The following KCNK1 variants were observed in gnomAD, a reference collection of about 807,000 sequenced individuals.
KCNK1 encodes potassium channel subfamily K member 1.
A neutral mutation model predicts 22.2 loss-of-function variants in KCNK1; 10 were observed. The observed-to-expected ratio is 0.45, with a 90% CI of 0.28 to 0.76. KCNK1 has a LOEUF of 0.76. KCNK1 is among the 30% of genes least tolerant of loss of function. The probability of loss-of-function intolerance (pLI) is 0.14; values close to 1 mark genes in which losing one functional copy is unlikely to be tolerated. For synonymous variants in KCNK1, 200 were observed against 186.4 expected (o/e 1.07, Z -0.60); for missense variants, 378 against 421.0 (o/e 0.90, Z 0.89).
chr1:233,626,607 G>A (rs1356364081), intron 1 of KCNK1, among the ~76,000 whole-genome samples: 1 of 152,132 alleles, frequency 6.6e-6, no homozygotes, highest in Non-Finnish European at 1.5e-5. Context: ...AAACTAGAAT[G>A]TCAGTAAGTA....
chr1:233,664,746 T>C (rs1658460843), intron 1 of KCNK1, among the ~76,000 whole-genome samples: 1 of 152,222 alleles, frequency 6.6e-6, no homozygotes, highest in East Asian at 1.9e-4. Flanking sequence ...CACACACTTG[T>C]ATAAGCCTTA....
intron 1 of KCNK1, among the ~76,000 whole-genome samples, chr1:233,635,060 A>AT (rs1657874935): frequency 6.6e-6 from 1 of 152,244 alleles, no homozygotes; most frequent in Admixed American, 6.5e-5. Flanking sequence ...GCTTAGGCCA[A>AT]TTCTTTAAAA....
At chr1:233,663,218 A>G (rs974678811) in intron 1 of KCNK1, among the ~76,000 whole-genome samples, 3 of 152,208 alleles carry the variant, frequency 2.0e-5, no homozygotes, top group Non-Finnish European at 4.4e-5. Context: ...CCAAAAAATT[A>G]TTTATGTACA....
chr1:233,630,226 G>A (rs1017612677), intron 1 of KCNK1, among the ~76,000 whole-genome samples: 1 of 152,166 alleles, frequency 6.6e-6, no homozygotes, highest in Non-Finnish European at 1.5e-5. Flanking sequence ...TTTTGGAAGC[G>A]TTTGAGTAGT....
At position 233,671,416 on chromosome 1, in the gene KCNK1, G is replaced by C; in HGVS notation, c.897G>C (p.Leu299=). 6.2e-7 allele frequency: 1 copy of C among 1,614,190 alleles called. No individual in the cohort carries two copies. Among genetic ancestry groups the C allele is most frequent in the Non-Finnish European group, 8.5e-7 (1 of 1,180,032 alleles). ...DQVHIIEHDQ[L]SFSSITDQAA... is the part of the protein sequence containing the mutation. ...TGCACATCATAGAGCATGACCAACT[G>C]TCCTTCTCCTCGATCACAGACCAGG... The change falls in exon 3 of 3, where the codon CTG becomes CTC. Residue 299 remains leucine, a synonymous_variant. Transcript: ENST00000366621.
intron 1 of KCNK1, among the ~76,000 whole-genome samples, chr1:233,640,513 TC>T (rs1657982210): frequency 6.6e-6 from 1 of 152,238 alleles, no homozygotes; most frequent in African/African-American, 2.4e-5. Flanking sequence ...ATATTAATGA[TC>T]AAGTGAATTG....
In KCNK1 at chr1:233,623,295, G is replaced by C. The variant is rs187365337; in HGVS notation, c.355+8769G>C. ...TAGCATCTGGGAAGGGTACGGGGAG[G>C]GGGGATGGGGAGAGATTTGTTACAG... On this transcript the variant is annotated intron_variant, in intron 1 of 2. Coordinates refer to ENST00000366621, the MANE Select transcript of KCNK1 (RefSeq NM_002245.4). Among the ~76,000 whole-genome samples the C allele has an allele frequency of 1.8e-4, 28 of 152,280 alleles. 1 individual carries two copies. In the South Asian group the frequency reaches 2.7e-3, roughly 15 times the overall value.
chr1:233,646,854 A>G (rs766583704), intron 1 of KCNK1, among the ~76,000 whole-genome samples: 1 of 152,192 alleles, frequency 6.6e-6, no homozygotes, highest in Non-Finnish European at 1.5e-5. Context: ...TTGTGAAGAT[A>G]GAAGCCACTG....
chr1:233,661,290 T>A (rs963571980), intron 1 of KCNK1, among the ~76,000 whole-genome samples: 1 of 152,218 alleles, frequency 6.6e-6, no homozygotes. Flanking sequence ...TTGAGTTGTT[T>A]GCTGGCTCCC....
chr1:233,639,425 G>A (rs1657966216), intron 1 of KCNK1, among the ~76,000 whole-genome samples: 1 of 152,162 alleles, frequency 6.6e-6, no homozygotes, highest in African/African-American at 2.4e-5. Context: ...GTATTCCTGT[G>A]TATTTTGATT....
Position 233,666,800 on chromosome 1 carries a change from T to G in KCNK1, c.561T>G (p.Leu187=). 6.2e-7 allele frequency: 1 copy of G among 1,614,198 alleles called. No homozygotes were observed. Among genetic ancestry groups the G allele is most frequent in the Non-Finnish European group, 8.5e-7 (1 of 1,180,028 alleles). The change falls in exon 2 of 3, where the codon CTT becomes CTG. Residue 187 remains leucine, a synonymous_variant. Transcript: ENST00000366621. ...QVVAIVHAVL[L]GFVTVSCFFF... ...TGGCCATCGTCCATGCCGTGCTCCT[T>G]GGGTTTGTCACTGTGTCCTGCTTCT...
chr1:233,630,129 A>T (rs1298541773), intron 1 of KCNK1, among the ~76,000 whole-genome samples: 1 of 152,164 alleles, frequency 6.6e-6, no homozygotes. Context: ...CAGCCGTAAA[A>T]TGATGAGTAA....
intron 1 of KCNK1, among the ~76,000 whole-genome samples, chr1:233,655,424 T>A (rs1270137565): frequency 1.3e-5 from 2 of 152,136 alleles, no homozygotes; most frequent in African/African-American, 4.8e-5. Context: ...AAGTAGATAC[T>A]GGAATGAGTT....
rs116663421 is a variant in KCNK1, at chr1:233,654,453, A to G, written c.356-12142A>G. 1.1e-3 allele frequency among the ~76,000 whole-genome samples: 175 copies of G among 152,340 alleles called. 1 individual carries two copies. The highest frequency in any genetic ancestry group is 4.2e-3 in the African/African-American group (173 of 41,576). On this transcript the variant is annotated intron_variant, in intron 1 of 2. Coordinates refer to ENST00000366621, the MANE Select transcript of KCNK1 (RefSeq NM_002245.4). Reference sequence around the variant, plus strand: ...GTAGAGCGGTGAACACTGAAATTACATATTTGGATAAGGAAATTTCTAGGC... The same window carrying G: ...GTAGAGCGGTGAACACTGAAATTACGTATTTGGATAAGGAAATTTCTAGGC...
intron 1 of KCNK1, among the ~76,000 whole-genome samples, chr1:233,619,206 G>A (rs1657535849): frequency 1.3e-5 from 2 of 151,874 alleles, no homozygotes; most frequent in East Asian, 2.0e-4. Flanking sequence ...TTTTTCTTTG[G>A]AGAGCGTGGT....
chr1:233,653,120 A>G (rs749054737), intron 1 of KCNK1, among the ~76,000 whole-genome samples: 11 of 152,186 alleles, frequency 7.2e-5, no homozygotes, highest in Non-Finnish European at 1.2e-4. Flanking sequence ...GACAACTCCT[A>G]TATTCCAAAG....
chr1:233,664,524 G>A lies in KCNK1; in HGVS notation c.356-2071G>A, dbSNP rs1658455940. Among the ~76,000 whole-genome samples the A allele has an allele frequency of 2.0e-5, 3 of 152,310 alleles. No homozygotes were observed. In the South Asian group the frequency reaches 6.2e-4, roughly 32 times the overall value. On this transcript the variant is annotated intron_variant, in intron 1 of 2. Transcript: ENST00000366621. The stretch of plus-strand genomic sequence containing the variant: ...GGAGCCAACACTCAGAACAAGAGTA[G>A]TTCTTAACCATTTGAGGACGCGTAC...
chr1:233,617,009 G>A (rs1327008612), intron 1 of KCNK1, among the ~76,000 whole-genome samples: 2 of 151,620 alleles, frequency 1.3e-5, no homozygotes, highest in African/African-American at 2.4e-5. Flanking sequence ...AGTTGCAATC[G>A]CTTTTCGTTT....
rs557246643 is a variant in KCNK1, at chr1:233,655,900, G to C, written c.356-10695G>C. The C allele has an allele frequency of 2.7e-5, 4 of 149,154 alleles. No individual in the cohort carries two copies. The South Asian group carries it at 8.7e-4, about 33-fold the overall frequency. 9.2% of individuals were successfully genotyped at this position (149,154 alleles called of 1,614,324 possible). A position where few individuals can be genotyped will look rare whatever the true frequency, so the allele number is the denominator to read the frequency against. Reference sequence around the variant, plus strand: ...TTGGATGAGGAGCAACTGAGGTAAAGTGGGAAAAAAAAAAAACGGCTCCAA... The same window carrying C: ...TTGGATGAGGAGCAACTGAGGTAAACTGGGAAAAAAAAAAAACGGCTCCAA... On this transcript the variant is annotated intron_variant, in intron 1 of 2. Transcript: ENST00000366621.
Sources: gnomAD v4.1 joint callset for allele counts (sites outside exome capture counted in the v4.1 genomes callset) on GRCh38, gnomAD v4.1.1 for gene constraint, MANE v1.5 for transcripts, NCBI Gene and HGNC (gene_info 2026-07-23, HGNC 2026-07-21) for gene names.